Variants in RALGAPA2 observed in about 807,000 individuals in gnomAD.
RALGAPA2 encodes ral GTPase-activating protein subunit alpha-2.
A neutral mutation model predicts 230.4 loss-of-function variants in RALGAPA2; 139 were observed. The observed-to-expected ratio is 0.60, with a 90% CI of 0.53 to 0.69. RALGAPA2 has a LOEUF of 0.69. Among genes scored for constraint, RALGAPA2 ranks in the 30% least tolerant of loss-of-function variants. The probability of loss-of-function intolerance (pLI) is 0.00; values close to 1 mark genes in which losing one functional copy is unlikely to be tolerated. For synonymous variants in RALGAPA2, 847 were observed against 837.8 expected (o/e 1.01, Z -0.19); for missense variants, 2,163 against 2,276.0 (o/e 0.95, Z 1.01).
intron 23 of RALGAPA2, among the ~76,000 whole-genome samples, chr20:20,549,820 T>C (rs529216657): frequency 7.9e-5 from 12 of 152,256 alleles, no homozygotes; most frequent in Non-Finnish European, 1.5e-4. Context: ...TTGAAAAATA[T>C]AATAAAAATC....
chr20:20,508,767 C>T (rs1172091017), intron 33 of RALGAPA2, among the ~76,000 whole-genome samples: 1 of 152,118 alleles, frequency 6.6e-6, no homozygotes, highest in East Asian at 1.9e-4. Flanking sequence ...GAGTCCCAGA[C>T]TTATTTCTAG....
chr20:20,538,744 G>A (rs556137665), intron 24 of RALGAPA2, among the ~76,000 whole-genome samples: 1 of 152,232 alleles, frequency 6.6e-6, no homozygotes, highest in African/African-American at 2.4e-5. Flanking sequence ...TGTGTTCAGA[G>A]GAACTGAATG....
At chr20:20,656,535 A>G (rs1283062186) in intron 3 of RALGAPA2, among the ~76,000 whole-genome samples, 1 of 152,222 alleles carries the variant, frequency 6.6e-6, no homozygotes, top group South Asian at 2.1e-4. Flanking sequence ...GGGAAAAAAA[A>G]TCAAAATAAG....
chr20:20,660,307 C>G (rs1603217334), intron 3 of RALGAPA2, among the ~76,000 whole-genome samples: 1 of 151,882 alleles, frequency 6.6e-6, no homozygotes, highest in South Asian at 2.1e-4. Context: ...GGAGCCCTGA[C>G]AGTTCACTCA....
chr20:20,529,727 T>C (rs976189307), intron 27 of RALGAPA2, among the ~76,000 whole-genome samples: 4 of 152,184 alleles, frequency 2.6e-5, no homozygotes, highest in Admixed American at 6.5e-5. Context: ...CCAGAAACCA[T>C]CTAGGTTTCT....
chr20:20,434,688 C>T (rs1313351815), intron 37 of RALGAPA2, among the ~76,000 whole-genome samples: 1 of 152,124 alleles, frequency 6.6e-6, no homozygotes. Flanking sequence ...GTAATCCCAG[C>T]ACTTTAGGAA....
At chr20:20,609,988 T>C (rs1036610864) in intron 14 of RALGAPA2, among the ~76,000 whole-genome samples, 1 of 152,240 alleles carries the variant, frequency 6.6e-6, no homozygotes, top group Non-Finnish European at 1.5e-5. Flanking sequence ...GCCAAGAGCA[T>C]TGACTCATAT....
intron 9 of RALGAPA2, among the ~76,000 whole-genome samples, chr20:20,634,369 G>C (rs2066785758): frequency 6.6e-6 from 1 of 151,852 alleles, no homozygotes; most frequent in African/African-American, 2.4e-5. Context: ...CATTTTATTT[G>C]CTAATTTTTT....
chr20:20,686,379 C>CCCAAATTTTG (rs2068698972), intron 1 of RALGAPA2, among the ~76,000 whole-genome samples: 1 of 152,100 alleles, frequency 6.6e-6, no homozygotes, highest in Non-Finnish European at 1.5e-5. Context: ...AATCCCAACT[C>CCCAAATTTTG]TACTAAAAAT....
At chr20:20,641,024 C>CAAAGATGCT in intron 5 of RALGAPA2, 146 bp from the exon 6 acceptor site, 1 of 714,642 alleles carries the variant, frequency 1.4e-6, no homozygotes, top group East Asian at 2.8e-5. Context: ...GACAAATAAG[C>CAAAGATGCT]AAAGATGCTG....
At chr20:20,421,401 T>A (rs553733671) in intron 37 of RALGAPA2, among the ~76,000 whole-genome samples, 1 of 152,342 alleles carries the variant, frequency 6.6e-6, no homozygotes, top group African/African-American at 2.4e-5. Flanking sequence ...CCAGGCGCAG[T>A]GGCTCACGCC....
At chr20:20,621,534 A>AT (rs1555802343) in intron 10 of RALGAPA2, among the ~76,000 whole-genome samples, 9 of 88,330 alleles carry the variant, frequency 1.0e-4, no homozygotes, top group Admixed American at 9.8e-4. Context: ...TGTTATTATT[A>AT]TTTTTTTGAT....
At chr20:20,489,861 T>TGA (rs1284416294) in intron 36 of RALGAPA2, among the ~76,000 whole-genome samples, 1 of 152,222 alleles carries the variant, frequency 6.6e-6, no homozygotes, top group Non-Finnish European at 1.5e-5. Context: ...AGGCAGAGAA[T>TGA]GAGAGCTGCC....
intron 38 of RALGAPA2, among the ~76,000 whole-genome samples, chr20:20,397,999 T>C (rs1336023789): frequency 6.6e-6 from 1 of 152,220 alleles, no homozygotes; most frequent in Non-Finnish European, 1.5e-5. Flanking sequence ...CTGTTGGTCA[T>C]GGGCTAGAAT....
chr20:20,584,197 T>C (rs1488687040), intron 19 of RALGAPA2, among the ~76,000 whole-genome samples: 2 of 152,228 alleles, frequency 1.3e-5, no homozygotes, highest in Non-Finnish European at 2.9e-5. Context: ...TTACAATATA[T>C]GATAATACGT....
intron 10 of RALGAPA2, among the ~76,000 whole-genome samples, chr20:20,625,590 A>G (rs1487840768): frequency 1.3e-5 from 2 of 152,258 alleles, no homozygotes; most frequent in Admixed American, 6.5e-5. Flanking sequence ...TTGTACACAC[A>G]TAAATAAATT....
chr20:20,551,574 C>CA (rs1331405928), intron 23 of RALGAPA2, among the ~76,000 whole-genome samples: 3 of 152,114 alleles, frequency 2.0e-5, no homozygotes, highest in Non-Finnish European at 4.4e-5. Flanking sequence ...ACTGATCTTG[C>CA]AAAAAATCAG....
chr20:20,593,394 T>C (rs1467986543), intron 16 of RALGAPA2, among the ~76,000 whole-genome samples: 1 of 152,262 alleles, frequency 6.6e-6, no homozygotes, highest in Non-Finnish European at 1.5e-5. Context: ...ACATTTTTAA[T>C]CTACTTACAC....
At chr20:20,464,909 T>C (rs1365510199) in intron 37 of RALGAPA2, among the ~76,000 whole-genome samples, 1 of 152,126 alleles carries the variant, frequency 6.6e-6, no homozygotes, top group Non-Finnish European at 1.5e-5. Flanking sequence ...CTATTTTAAG[T>C]GTTCAGGATC....
Sources: allele counts gnomAD v4.1 joint callset (sites outside exome capture counted in the v4.1 genomes callset), GRCh38; gene constraint gnomAD v4.1.1; transcripts MANE v1.5; gene names NCBI Gene and HGNC (gene_info 2026-07-23, HGNC 2026-07-21).